The following GRM7 variants were observed in gnomAD, a reference collection of about 807,000 sequenced individuals.
The protein encoded by GRM7 is glutamate metabotropic receptor 7.
GRM7 carries 35 observed loss-of-function variants against 84.5 expected under a neutral mutation model. The observed-to-expected ratio is 0.41, with a 90% CI of 0.32 to 0.55. The LOEUF is 0.55. Ranked by LOEUF, GRM7 falls within the 20% of genes least tolerant of loss-of-function variation. The pLI, the probability that GRM7 is intolerant of heterozygous loss-of-function variation, is 0.19. For missense variants in GRM7, 1,003 were observed against 1,194.6 expected, an observed-to-expected ratio of 0.84 and a Z score of 2.36; for synonymous variants, 487 against 455.1, an observed-to-expected ratio of 1.07 and a Z score of -0.89.
chr3:7,678,053 A>G (rs1487777859), intron 8 of GRM7, among the ~76,000 whole-genome samples: 2 of 152,168 alleles, frequency 1.3e-5, no homozygotes, highest in African/African-American at 2.4e-5. Context: ...GGAGATAAAG[A>G]TGACAGTAGA....
chr3:7,198,497 G>T (rs1003724795), intron 2 of GRM7, among the ~76,000 whole-genome samples: 2 of 151,948 alleles, frequency 1.3e-5, no homozygotes, highest in African/African-American at 4.8e-5. Flanking sequence ...CTTATAATGG[G>T]GTTATGTCCT....
chr3:7,059,367 C>G (rs1441921086), intron 1 of GRM7, among the ~76,000 whole-genome samples: 2 of 151,716 alleles, frequency 1.3e-5, no homozygotes, highest in African/African-American at 4.8e-5. Flanking sequence ...CTTCTTTCCC[C>G]CTACCATTGT....
chr3:7,347,565 C>A (rs560739623), intron 4 of GRM7, among the ~76,000 whole-genome samples: 1 of 152,126 alleles, frequency 6.6e-6, no homozygotes, highest in Admixed American at 6.6e-5. Context: ...AACTCACTGA[C>A]GACCACAGTA....
chr3:7,657,965 T>C (rs1219825639), intron 8 of GRM7, among the ~76,000 whole-genome samples: 1 of 152,210 alleles, frequency 6.6e-6, no homozygotes, highest in Non-Finnish European at 1.5e-5. Flanking sequence ...ATTCTGCTCC[T>C]GGGTATGAGT....
intron 2 of GRM7, among the ~76,000 whole-genome samples, chr3:7,234,457 T>A (rs573484726): frequency 1.2e-4 from 19 of 152,190 alleles, no homozygotes; most frequent in Non-Finnish European, 2.4e-4. Context: ...ATCTGCCTCA[T>A]AGAATTGTGT....
intron 1 of GRM7, chr3:6,892,688 A>AG (rs1338155845): frequency 7.2e-5 from 11 of 152,176 alleles, no homozygotes; most frequent in African/African-American, 2.6e-4. Context: ...CACATGCTAA[A>AG]CTTCACCTCT....
At chr3:7,044,076 C>T (rs1696720770) in intron 1 of GRM7, among the ~76,000 whole-genome samples, 1 of 152,214 alleles carries the variant, frequency 6.6e-6, no homozygotes, top group Non-Finnish European at 1.5e-5. Flanking sequence ...ATCACATCAC[C>T]TTATTTTAGA....
intron 2 of GRM7, among the ~76,000 whole-genome samples, chr3:7,291,765 A>G (rs186266823): frequency 6.0e-4 from 91 of 152,254 alleles, no homozygotes; most frequent in Middle Eastern, 6.8e-3. Context: ...CCAGAAATCT[A>G]TCAGCAAAGA....
At chr3:7,109,940 A>T (rs79863367) in intron 1 of GRM7, among the ~76,000 whole-genome samples, 9,282 of 152,138 alleles carry the variant, frequency 0.061, 678 homozygotes, top group Admixed American at 0.14. Context: ...GTATTTTTAA[A>T]TTAAATATGT....
intron 1 of GRM7, among the ~76,000 whole-genome samples, chr3:7,121,237 G>C (rs1306469050): frequency 6.6e-6 from 1 of 152,024 alleles, no homozygotes; most frequent in Admixed American, 6.6e-5. Flanking sequence ...TTGACCTTTA[G>C]TCCCATATTC....
At chr3:7,609,302 T>A (rs1055868712) in intron 8 of GRM7, among the ~76,000 whole-genome samples, 7 of 152,140 alleles carry the variant, frequency 4.6e-5, no homozygotes, top group African/African-American at 1.4e-4. Flanking sequence ...AGCAGGGAAG[T>A]CACATTTTAG....
chr3:6,861,380 C>A lies in GRM7; in HGVS notation c.-9C>A. The A allele has an allele frequency of 6.6e-7, 1 of 1,515,742 alleles. No homozygotes were observed. Among genetic ancestry groups the A allele is most frequent in the Non-Finnish European group, 8.7e-7 (1 of 1,142,914 alleles). The allele number at this position is 1,515,742 out of a possible 1,614,324, so 93.9% of individuals were successfully genotyped here. On this transcript the variant is annotated 5_prime_UTR_variant, in exon 1 of 10. Transcript: ENST00000357716. This position sits in a 1 kb window ranked among gnomAD's most constrained non-coding sequence, Gnocchi z 6.4. ...GCGCCGCCGCCGCCACCGCAGCAGC[C>A]GGAGCAGCATGGTCCAGCTGAGGAA...
chr3:7,680,234 A>G lies in GRM7; in HGVS notation c.2637A>G (p.Lys879=). ...AATMSSRLSH[K]PSDRPNGEAK... is the part of the protein sequence containing the mutation. ...CCATGTCATCGAGGCTGTCACACAA[A>G]CCCAGTGACAGACCCAACGGTGAGG... Residue 879 remains lysine (K), a synonymous_variant, in exon 9 of 10, where the codon AAA becomes AAG. Transcript: ENST00000357716. The G allele has an allele frequency of 6.2e-7, 1 of 1,613,892 alleles. No homozygotes were observed. Among genetic ancestry groups the G allele is most frequent in the Non-Finnish European group, 8.5e-7 (1 of 1,179,762 alleles).
At chr3:7,482,093 C>T (rs1005271378) in intron 7 of GRM7, among the ~76,000 whole-genome samples, 1 of 152,134 alleles carries the variant, frequency 6.6e-6, no homozygotes, top group African/African-American at 2.4e-5. Flanking sequence ...GAGGCTGAGG[C>T]AGGAGAATGG....
intron 4 of GRM7, among the ~76,000 whole-genome samples, chr3:7,396,530 A>AT (rs1695219589): frequency 6.6e-6 from 1 of 152,098 alleles, no homozygotes; most frequent in South Asian, 2.1e-4. Context: ...CATGTTTTAT[A>AT]TTTTTATTGC....
chr3:7,280,525 C>A (rs1391808155), intron 2 of GRM7, among the ~76,000 whole-genome samples: 2 of 152,172 alleles, frequency 1.3e-5, no homozygotes, highest in Non-Finnish European at 2.9e-5. Flanking sequence ...GATGACTTTG[C>A]ACTTTAGCTA....
chr3:6,966,292 T>A (rs1438965889), intron 1 of GRM7, among the ~76,000 whole-genome samples: 1 of 152,228 alleles, frequency 6.6e-6, no homozygotes, highest in Non-Finnish European at 1.5e-5. Context: ...AATGTAATAC[T>A]CCTTCACATT....
intron 7 of GRM7, among the ~76,000 whole-genome samples, chr3:7,558,875 G>T (rs2125033793): frequency 6.6e-6 from 1 of 152,236 alleles, no homozygotes; most frequent in South Asian, 2.1e-4. Flanking sequence ...AATCTTCAAA[G>T]CAGTTCTCAA....
intron 1 of GRM7, among the ~76,000 whole-genome samples, chr3:6,957,972 G>T (rs1174502433): frequency 1.3e-5 from 2 of 152,142 alleles, no homozygotes. Context: ...TTGGAAGCAG[G>T]TGATCAGGGG....
Sources: allele counts gnomAD v4.1 joint callset (sites outside exome capture counted in the v4.1 genomes callset), GRCh38; gene constraint gnomAD v4.1.1; non-coding constraint Gnocchi (gnomAD v3.1); transcripts MANE v1.5; gene names NCBI Gene and HGNC (gene_info 2026-07-23, HGNC 2026-07-21).